The following ATP13A3 variants were observed in gnomAD, a reference collection of about 807,000 sequenced individuals.
The protein encoded by ATP13A3 is ATPase 13A3.
A neutral mutation model predicts 158.1 loss-of-function variants in ATP13A3; 59 were observed. The ratio of observed to expected loss-of-function variants is 0.37; its 90% CI spans 0.30 to 0.46. The LOEUF is 0.46. Ranked by LOEUF, ATP13A3 falls within the 20% of genes least tolerant of loss-of-function variation. The pLI is 1.00. For synonymous variants in ATP13A3, 491 were observed against 504.3 expected (o/e 0.97, Z 0.35); for missense variants, 1,166 against 1,525.2 (o/e 0.76, Z 3.92).
chr3:194,444,426 T>C (rs1202743958), intron 15 of ATP13A3, among the ~76,000 whole-genome samples: 1 of 152,184 alleles, frequency 6.6e-6, no homozygotes, highest in Non-Finnish European at 1.5e-5. Flanking sequence ...AAAACATATG[T>C]ACAGTATATC....
At chr3:194,433,398 C>A (rs1382930872) in intron 21 of ATP13A3, among the ~76,000 whole-genome samples, 1 of 152,106 alleles carries the variant, frequency 6.6e-6, no homozygotes, top group Admixed American at 6.5e-5. Context: ...CACCCGCCAC[C>A]GCTCCCGGCT....
intron 2 of ATP13A3, among the ~76,000 whole-genome samples, chr3:194,484,009 A>G (rs1720864423): frequency 6.6e-6 from 1 of 152,186 alleles, no homozygotes; most frequent in South Asian, 2.1e-4. Flanking sequence ...AAAACAGTCA[A>G]AACAGTTCAC....
At chr3:194,414,456 C>A in intron 31 of ATP13A3, among the ~76,000 whole-genome samples, 1 of 129,008 alleles carries the variant, frequency 7.8e-6, no homozygotes. Context: ...GAAGAACCTG[C>A]CTTAAAAAAA....
At chr3:194,406,302 T>C (rs1714928082) in intron 33 of ATP13A3, among the ~76,000 whole-genome samples, 186 bp from the exon 34 acceptor site, 1 of 152,074 alleles carries the variant, frequency 6.6e-6, no homozygotes, top group Non-Finnish European at 1.5e-5. Flanking sequence ...TGGTGGCTCA[T>C]GTCCGAAATC....
chr3:194,438,977 A>G lies in ATP13A3; in HGVS notation c.1711-5T>C, dbSNP rs73071118. Reference sequence around the variant, plus strand: ...TTCAGTTGCTTCTTCCAGAATCTGGAAAAAAAAAAGAGACAAAAAAAAACA... The same window carrying G: ...TTCAGTTGCTTCTTCCAGAATCTGGGAAAAAAAAAGAGACAAAAAAAAACA... On this transcript the variant is annotated splice_polypyrimidine_tract_variant and splice_region_variant and intron_variant, in intron 16 of 33. Coordinates refer to ENST00000645319, the MANE Select transcript of ATP13A3 (RefSeq NM_001367549.1). 4.6e-3 allele frequency: 6,199 copies of G among 1,349,292 alleles called. 212 individuals carry two copies. The African/African-American group carries it at 0.082, about 18-fold the overall frequency. The allele number at this position is 1,349,292 out of a possible 1,614,324, so 83.6% of individuals were successfully genotyped here.
intron 9 of ATP13A3, among the ~76,000 whole-genome samples, chr3:194,454,020 T>C (rs1719012932): frequency 6.6e-6 from 1 of 152,058 alleles, no homozygotes; most frequent in Admixed American, 6.6e-5. Flanking sequence ...CAACTACAGA[T>C]CCCTATGGTC....
At chr3:194,425,710 T>C (rs1716719932) in intron 29 of ATP13A3, among the ~76,000 whole-genome samples, 181 bp from the exon 30 acceptor site, 1 of 152,196 alleles carries the variant, frequency 6.6e-6, no homozygotes, top group Non-Finnish European at 1.5e-5. Flanking sequence ...TATGAAGGGT[T>C]TTCTCTTCAG....
chr3:194,445,780 T>C (rs749268954), intron 14 of ATP13A3, among the ~76,000 whole-genome samples: 3 of 152,208 alleles, frequency 2.0e-5, no homozygotes, highest in African/African-American at 7.2e-5. Context: ...CCAGAAAAGT[T>C]TGATAGAAGG....
chr3:194,441,555 AT>A (rs1718053092), intron 15 of ATP13A3, 94 bp from the exon 16 acceptor site: 9 of 1,134,154 alleles, frequency 7.9e-6, no homozygotes, highest in African/African-American at 1.6e-5. Context: ...TAAAAAAAAA[AT>A]CTTTTAAATC....
chr3:194,481,341 T>C (rs1720740495), intron 2 of ATP13A3, among the ~76,000 whole-genome samples: 1 of 151,930 alleles, frequency 6.6e-6, no homozygotes, highest in South Asian at 2.1e-4. Context: ...TCAAGAAGTC[T>C]GTCAAGCAAG....
upstream of ATP13A3, among the ~76,000 whole-genome samples, chr3:194,491,980 C>T (rs994223327): frequency 6.6e-6 from 1 of 152,194 alleles, no homozygotes; most frequent in Non-Finnish European, 1.5e-5. Context: ...CATTATCACA[C>T]AGCAGCCAGA....
chr3:194,459,828 C>A lies in ATP13A3; in HGVS notation c.369G>T (p.Arg123Ser). The change falls in exon 5 of 34, where the codon AGG (arginine) becomes AGT (serine). Residue 123 changes from arginine to serine, a missense_variant. Arg to Ser is a moderately radical substitution (Grantham distance 110). Around this residue, in one of 3 missense-constraint regions of ATP13A3, gnomAD observed 104 missense variants for 91.7 expected, o/e 1.13. Coordinates refer to ENST00000645319, the MANE Select transcript of ATP13A3 (RefSeq NM_001367549.1). ...CLIENPTEEN[R>S]HRISKYSQTE... ...TCTGTGAATATTTACTGATCCTGTG[C>A]CTATTTTCTTCAGTGGGATTCTCAA... is the stretch of plus-strand genomic sequence containing the variant. 3 of 1,613,034 alleles carry A rather than the reference C, an allele frequency of 1.9e-6. No individual in the cohort carries two copies. Among genetic ancestry groups the A allele is most frequent in the Non-Finnish European group, 2.5e-6 (3 of 1,179,494 alleles).
chr3:194,449,552 C>A (rs931015575), intron 11 of ATP13A3, among the ~76,000 whole-genome samples: 2 of 152,138 alleles, frequency 1.3e-5, no homozygotes, highest in Non-Finnish European at 2.9e-5. Context: ...GTGGCACACA[C>A]CTGTAGTCCC....
intron 2 of ATP13A3, among the ~76,000 whole-genome samples, chr3:194,477,747 T>C (rs1416029642): frequency 1.3e-5 from 2 of 152,158 alleles, no homozygotes; most frequent in Admixed American, 1.3e-4. Flanking sequence ...CCCAGAAGCA[T>C]CTAGGAGTCT....
intron 6 of ATP13A3, among the ~76,000 whole-genome samples, chr3:194,458,441 C>T (rs1241799156): frequency 1.3e-5 from 2 of 152,018 alleles, no homozygotes. Context: ...CAGGCTGGAA[C>T]GGAGTGGCAC....
At chr3:194,434,140 G>C (rs1717451223) in intron 20 of ATP13A3, among the ~76,000 whole-genome samples, 1 of 152,080 alleles carries the variant, frequency 6.6e-6, no homozygotes, top group African/African-American at 2.4e-5. Context: ...TAATACTAAG[G>C]AATATTCATT....
intron 2 of ATP13A3, among the ~76,000 whole-genome samples, chr3:194,477,927 C>T (rs1265221398): frequency 2.0e-5 from 3 of 152,232 alleles, no homozygotes; most frequent in South Asian, 4.1e-4. Flanking sequence ...TAGTTTGAGA[C>T]CACTTATGGT....
chr3:194,451,871 A>C (rs532237636), intron 10 of ATP13A3: 23 of 152,452 alleles, frequency 1.5e-4, no homozygotes, highest in African/African-American at 5.5e-4. Context: ...CCTCATATCC[A>C]ATGAGTCAAA....
At position 194,437,206 on chromosome 3, in the gene ATP13A3, T is replaced by A; in HGVS notation, c.2009A>T (p.Asp670Val). Residue 670 changes from aspartate to valine, a missense_variant, in exon 20 of 34, where the codon GAT (aspartate) becomes GTT (valine). Around this residue, in one of 3 missense-constraint regions of ATP13A3, gnomAD observed 997 missense variants for 1,341.2 expected, o/e 0.74. Coordinates refer to ENST00000645319, the MANE Select transcript of ATP13A3 (RefSeq NM_001367549.1). The part of the protein sequence containing the change: ...GLCKPETVPV[D>V]FQNVLEDFTK... ...GAAGTCTTCCAAAACGTTTTGAAAA[T>A]CGACAGGAACTTTTTAAAAGAAAGA... 6.2e-7 allele frequency: 1 copy of A among 1,614,020 alleles called. No individual in the cohort carries two copies. Among genetic ancestry groups the A allele is most frequent in the Non-Finnish European group, 8.5e-7 (1 of 1,179,970 alleles).
Sources: gnomAD v4.1 joint callset for allele counts (sites outside exome capture counted in the v4.1 genomes callset) on GRCh38, gnomAD v4.1.1 for gene constraint, gnomAD v4.1.1 regional missense constraint, MANE v1.5 for transcripts, NCBI Gene and HGNC (gene_info 2026-07-23, HGNC 2026-07-21) for gene names.